TRAPPC9: variants seen among roughly 807,000 people sequenced by gnomAD.
TRAPPC9 encodes trafficking protein particle complex subunit 9.
TRAPPC9 carries 83 observed loss-of-function variants against 124.0 expected under a neutral mutation model. That is an observed-to-expected ratio of 0.67 (90% CI 0.56 to 0.80). TRAPPC9 has a LOEUF of 0.80. Among genes scored for constraint, TRAPPC9 ranks in the 30% least tolerant of loss-of-function variants. TRAPPC9 has a pLI of 0.00. For synonymous variants in TRAPPC9, 638 were observed against 617.5 expected (o/e 1.03, Z -0.49); for missense variants, 1,302 against 1,508.3 (o/e 0.86, Z 2.27).
intron 5 of TRAPPC9, among the ~76,000 whole-genome samples, chr8:140,415,928 T>C (rs1224455930): frequency 1.3e-5 from 2 of 152,094 alleles, no homozygotes; most frequent in East Asian, 1.9e-4. Context: ...ACCATTGCAC[T>C]CTACCCTGGG....
At chr8:140,324,762 C>T (rs998716007) in intron 9 of TRAPPC9, among the ~76,000 whole-genome samples, 2 of 152,094 alleles carry the variant, frequency 1.3e-5, no homozygotes, top group African/African-American at 4.8e-5. Context: ...AGAGGGACAC[C>T]CTGTCTCAAA....
chr8:139,865,850 T>C (rs1206265086), intron 21 of TRAPPC9, among the ~76,000 whole-genome samples: 2 of 152,176 alleles, frequency 1.3e-5, no homozygotes, highest in South Asian at 2.1e-4. Context: ...TGAGTGACCA[T>C]GGCTCGTGAC....
rs142943649 is a variant in TRAPPC9, at chr8:139,983,877, C to G, written c.2810+4849G>C. 5.7e-3 allele frequency among the ~76,000 whole-genome samples: 861 copies of G among 152,294 alleles called. 6 individuals are homozygous for G. The highest frequency in any genetic ancestry group is 0.02 in the African/African-American group (820 of 41,568). On this transcript the variant is annotated intron_variant, in intron 19 of 22. Coordinates refer to ENST00000438773, the MANE Select transcript of TRAPPC9 (RefSeq NM_001160372.4). Reference sequence around the variant, plus strand: ...AGACAGACGGGGTTCCACAAAGTGGCTTTGATCAGCCACTCATTTTGCTTA... The same window carrying G: ...AGACAGACGGGGTTCCACAAAGTGGGTTTGATCAGCCACTCATTTTGCTTA...
chr8:139,772,746 C>T (rs989199659), intron 21 of TRAPPC9, among the ~76,000 whole-genome samples: 15 of 152,140 alleles, frequency 9.9e-5, no homozygotes, highest in African/African-American at 2.7e-4. Flanking sequence ...ATGTTGAAGC[C>T]CTAAAGCCCA....
chr8:140,000,410 C>A (rs1234984786), intron 18 of TRAPPC9, among the ~76,000 whole-genome samples: 1 of 152,074 alleles, frequency 6.6e-6, no homozygotes, highest in East Asian at 1.9e-4. Flanking sequence ...AGAGCTTCTG[C>A]ACAGCAAAAG....
intron 16 of TRAPPC9, among the ~76,000 whole-genome samples, chr8:140,226,823 G>A (rs2063465749): frequency 6.6e-6 from 1 of 151,618 alleles, no homozygotes; most frequent in African/African-American, 2.4e-5. Flanking sequence ...TTAGAACTAG[G>A]AGGCTGTGGG....
intron 21 of TRAPPC9, among the ~76,000 whole-genome samples, chr8:139,744,671 C>T (rs1818774844): frequency 1.3e-5 from 2 of 152,198 alleles, no homozygotes; most frequent in Admixed American, 1.3e-4. Flanking sequence ...AAATGGCATG[C>T]GTTTTTAACA....
rs138923912 is a variant in TRAPPC9 at position 139,886,416 on chromosome 8, T to C, written c.2965-447A>G. Among the ~76,000 whole-genome samples, 8 of 152,340 alleles carry C rather than the reference T, an allele frequency of 5.3e-5. No individual in the cohort carries two copies. In the East Asian group the frequency reaches 1.5e-3, roughly 29 times the overall value. ...ATCCTTCTTGATGTAATTACACATA[T>C]TATTACGAACGAACTCACTTAAGCA... On this transcript the variant is annotated intron_variant, in intron 20 of 22. Coordinates refer to ENST00000438773, the MANE Select transcript of TRAPPC9 (RefSeq NM_001160372.4).
At chr8:139,764,678 A>ATTT (rs1820468933) in intron 21 of TRAPPC9, among the ~76,000 whole-genome samples, 2 of 151,932 alleles carry the variant, frequency 1.3e-5, no homozygotes, top group African/African-American at 4.8e-5. Context: ...ATGACCGGAA[A>ATTT]CCCCAAGTTG....
chr8:140,365,486 C>A (rs7006024), intron 8 of TRAPPC9, among the ~76,000 whole-genome samples: 3,953 of 152,326 alleles, frequency 0.026, 192 homozygotes, highest in African/African-American at 0.09. Flanking sequence ...GAAAGAGATG[C>A]CCCGTAGGCA....
chr8:140,031,828 G>C (rs1256183624), intron 17 of TRAPPC9, among the ~76,000 whole-genome samples: 1 of 152,188 alleles, frequency 6.6e-6, no homozygotes, highest in Non-Finnish European at 1.5e-5. Context: ...TTCCAGCCAA[G>C]AGGCCCAGGA....
At chr8:140,125,279 G>A (rs530049545) in intron 17 of TRAPPC9, among the ~76,000 whole-genome samples, 1 of 152,324 alleles carries the variant, frequency 6.6e-6, no homozygotes, top group African/African-American at 2.4e-5. Context: ...TTGTTTCTGG[G>A]AAAGATCACT....
chr8:140,147,536 A>T (rs1415159893), intron 17 of TRAPPC9, among the ~76,000 whole-genome samples: 1 of 152,184 alleles, frequency 6.6e-6, no homozygotes, highest in Non-Finnish European at 1.5e-5. Flanking sequence ...AAGTAGCCAT[A>T]ATATTTATTA....
At chr8:140,170,757 A>C (rs5009151) in intron 17 of TRAPPC9, among the ~76,000 whole-genome samples, 1 of 152,148 alleles carries the variant, frequency 6.6e-6, no homozygotes, top group African/African-American at 2.4e-5. Flanking sequence ...TCTTCTGGTC[A>C]CAACACCCTC....
chr8:140,337,317 C>T (rs1488755196), intron 9 of TRAPPC9, among the ~76,000 whole-genome samples: 3 of 152,170 alleles, frequency 2.0e-5, no homozygotes, highest in South Asian at 4.1e-4. Flanking sequence ...CTGTCACACA[C>T]TCTCACAGGA....
At chr8:140,385,881 C>A (rs1588259604) in intron 7 of TRAPPC9, among the ~76,000 whole-genome samples, 1 of 152,172 alleles carries the variant, frequency 6.6e-6, no homozygotes, top group Non-Finnish European at 1.5e-5. Context: ...GAATTTTAGA[C>A]CAATATCCCT....
chr8:140,362,475 T>C (rs1588217349), intron 8 of TRAPPC9, among the ~76,000 whole-genome samples: 1 of 152,300 alleles, frequency 6.6e-6, no homozygotes, highest in African/African-American at 2.4e-5. Context: ...ATTTAAAGTA[T>C]TTCTCCATAA....
chr8:139,812,725 C>A (rs1350778), intron 21 of TRAPPC9, among the ~76,000 whole-genome samples: 3,540 of 152,212 alleles, frequency 0.023, 72 homozygotes, highest in Non-Finnish European at 0.029. Context: ...TTCTGCACCC[C>A]CAAAAGACAC....
chr8:140,069,915 T>C (rs551480392), intron 17 of TRAPPC9, among the ~76,000 whole-genome samples: 1 of 152,270 alleles, frequency 6.6e-6, no homozygotes, highest in Non-Finnish European at 1.5e-5. Flanking sequence ...CCCAAAGTTC[T>C]GATGTCCAAG....
Sources: gnomAD v4.1 joint callset for allele counts (sites outside exome capture counted in the v4.1 genomes callset) on GRCh38, gnomAD v4.1.1 for gene constraint, MANE v1.5 for transcripts, NCBI Gene and HGNC (gene_info 2026-07-23, HGNC 2026-07-21) for gene names.